RNF138: variants seen among roughly 807,000 people sequenced by gnomAD.
RNF138 encodes ring finger protein 138.
A neutral mutation model predicts 31.0 loss-of-function variants in RNF138; 12 were observed. The ratio of observed to expected loss-of-function variants is 0.39; its 90% CI spans 0.25 to 0.63. The LOEUF is 0.63. RNF138 is among the 20% of genes least tolerant of loss of function. The pLI, the probability that RNF138 is intolerant of heterozygous loss-of-function variation, is 0.52. For missense variants in RNF138, 192 were observed against 300.1 expected (o/e 0.64, Z 2.66); for synonymous variants, 105 against 99.5 (o/e 1.06, Z -0.33).
intron 5 of RNF138, 90 bp downstream of exon 5, chr18:32,123,664 T>C: frequency 1.0e-6 from 1 of 954,152 alleles, no homozygotes; most frequent in Non-Finnish European, 1.5e-6. Flanking sequence ...TTTTTTTTTT[T>C]TTTTTGAGAC....
At chr18:32,105,135 A>G (rs1312556888) in intron 2 of RNF138, among the ~76,000 whole-genome samples, 1 of 152,186 alleles carries the variant, frequency 6.6e-6, no homozygotes, top group African/African-American at 2.4e-5. Context: ...TCTGTCCCCC[A>G]GGCTGGAGTG....
chr18:32,105,677 G>T (rs562824881), intron 2 of RNF138, among the ~76,000 whole-genome samples: 25 of 152,282 alleles, frequency 1.6e-4, no homozygotes, highest in South Asian at 1.0e-3. Context: ...ATCCTGAAGT[G>T]GGGAATTCTT....
intron 4 of RNF138, among the ~76,000 whole-genome samples, chr18:32,117,751 A>G (rs997466939): frequency 3.3e-5 from 5 of 152,140 alleles, no homozygotes; most frequent in Non-Finnish European, 5.9e-5. Context: ...ATATTGGAGG[A>G]TGTTTTAGCA....
rs1287780202 is a variant in RNF138, at chr18:32,102,449, C to T, written c.111-9305C>T. ...ATCTCCTGACCTCGTGATCCGCCTG[C>T]CTCAGCCTCCCAAAGTACTGGGATT... On this transcript the variant is annotated intron_variant, in intron 2 of 7. Coordinates refer to ENST00000261593, the MANE Select transcript of RNF138 (RefSeq NM_016271.5). Among the ~76,000 whole-genome samples, 7 of 152,010 alleles carry T rather than the reference C, an allele frequency of 4.6e-5. No homozygotes were observed. The East Asian group carries it at 1.2e-3, about 25-fold the overall frequency.
intron 4 of RNF138, among the ~76,000 whole-genome samples, chr18:32,118,349 C>CA: frequency 6.6e-6 from 1 of 151,700 alleles, no homozygotes; most frequent in Admixed American, 6.6e-5. Flanking sequence ...GCCTGGCCAA[C>CA]ATGGTGAAAC....
intron 3 of RNF138, 59 bp downstream of exon 3, chr18:32,111,978 A>G: frequency 7.4e-7 from 1 of 1,344,810 alleles, no homozygotes; most frequent in Non-Finnish European, 1.0e-6. Flanking sequence ...TGAAATTCTT[A>G]TTTGAATTTT....
chr18:32,098,709 C>T (rs946055838), intron 2 of RNF138, among the ~76,000 whole-genome samples: 3 of 151,804 alleles, frequency 2.0e-5, no homozygotes, highest in Admixed American at 6.6e-5. Context: ...AAAAATTAGC[C>T]GGGTGTGGCG....
chr18:32,094,413 T>C (rs2039767817), intron 2 of RNF138, among the ~76,000 whole-genome samples: 1 of 152,208 alleles, frequency 6.6e-6, no homozygotes, highest in South Asian at 2.1e-4. Flanking sequence ...ATAGAAATTA[T>C]GCCAGTTACG....
chr18:32,118,966 A>C (rs998865096), intron 4 of RNF138, among the ~76,000 whole-genome samples: 3 of 152,032 alleles, frequency 2.0e-5, no homozygotes, highest in Non-Finnish European at 4.4e-5. Flanking sequence ...ATATTCTTTA[A>C]TTTTCTTTTT....
chr18:32,119,290 G>C (rs887070090), intron 4 of RNF138, among the ~76,000 whole-genome samples: 2 of 152,122 alleles, frequency 1.3e-5, no homozygotes, highest in African/African-American at 2.4e-5. Context: ...TATTGAGGCA[G>C]GGTCTCGCTA....
intron 6 of RNF138, chr18:32,125,243 T>G (rs1330496445): frequency 6.4e-6 from 1 of 157,222 alleles, no homozygotes; most frequent in Non-Finnish European, 1.4e-5. Flanking sequence ...AAGAATAAAG[T>G]CAGTAGGTAT....
At chr18:32,122,907 ATACT>A (rs2040328748) in intron 4 of RNF138, among the ~76,000 whole-genome samples, 1 of 152,234 alleles carries the variant, frequency 6.6e-6, no homozygotes, top group Non-Finnish European at 1.5e-5. Context: ...CCTGTATGGA[ATACT>A]TACTCTTCCC....
intron 6 of RNF138, 44 bp from the exon 7 acceptor site, chr18:32,126,649 A>T: frequency 8.7e-7 from 1 of 1,149,438 alleles, no homozygotes; most frequent in Non-Finnish European, 1.3e-6. Flanking sequence ...ATAATATTTC[A>T]TTGTTTTTAT....
At chr18:32,105,892 A>G (rs2040020502) in intron 2 of RNF138, among the ~76,000 whole-genome samples, 1 of 152,220 alleles carries the variant, frequency 6.6e-6, no homozygotes. Context: ...TTGGTCCATC[A>G]ACAAATGGTA....
In RNF138 at chr18:32,097,942, ATATGTGTG is replaced by A. The variant is rs1163415247; in HGVS notation, c.110+5058_110+5065del. On this transcript the variant is annotated intron_variant, in intron 2 of 7. Transcript: ENST00000261593. ...TGTGTGTGTGTATATGTGTATGTAT[ATATGTGTG>A]TGTGTGTGTGTGTGTGTGTGTGTGT... 7.9e-4 allele frequency among the ~76,000 whole-genome samples: 47 copies of A among 59,384 alleles called. No individual in the cohort carries two copies. In the East Asian group the frequency reaches 0.012, roughly 15 times the overall value. The allele number at this position is 59,384 out of a possible 152,430, so 39.0% of individuals were successfully genotyped here.
intron 4 of RNF138, among the ~76,000 whole-genome samples, chr18:32,119,302 G>A (rs1398216580): frequency 1.3e-5 from 2 of 152,252 alleles, no homozygotes; most frequent in East Asian, 3.9e-4. Flanking sequence ...GTCTCGCTAT[G>A]TTTCCCAGGC....
intron 4 of RNF138, among the ~76,000 whole-genome samples, chr18:32,115,773 G>A (rs999971118): frequency 2.6e-5 from 4 of 151,690 alleles, no homozygotes; most frequent in South Asian, 4.2e-4. Flanking sequence ...ACACACGCAC[G>A]CACGCACACA....
chr18:32,115,108 A>G (rs1347490640), intron 4 of RNF138, among the ~76,000 whole-genome samples: 1 of 151,966 alleles, frequency 6.6e-6, no homozygotes, highest in Non-Finnish European at 1.5e-5. Flanking sequence ...TTTTTACCCA[A>G]TAGATTGTTC....
In RNF138 at chr18:32,130,061, C is replaced by G. The variant is rs2040448184; in HGVS notation, c.*874C>G. The G allele has an allele frequency of 6.6e-6, 1 of 152,180 alleles. No homozygotes were observed. Among genetic ancestry groups the G allele is most frequent in the African/African-American group, 2.4e-5 (1 of 41,346 alleles). The allele number at this position is 152,180 out of a possible 1,614,324, so 9.4% of individuals were successfully genotyped here. ...CTTCATCTCAGTTTAGAAATTTATTCAAAGCTAAAGATGTATATATACATA... is the reference window on the plus strand; with the variant it reads ...CTTCATCTCAGTTTAGAAATTTATTGAAAGCTAAAGATGTATATATACATA... On this transcript the variant is annotated 3_prime_UTR_variant, in exon 8 of 8. Coordinates refer to ENST00000261593, the MANE Select transcript of RNF138 (RefSeq NM_016271.5).
Sources: allele counts gnomAD v4.1 joint callset (sites outside exome capture counted in the v4.1 genomes callset), GRCh38; gene constraint gnomAD v4.1.1; transcripts MANE v1.5; gene names NCBI Gene and HGNC (gene_info 2026-07-23, HGNC 2026-07-21).